The following RASAL2 variants were observed in gnomAD, a reference collection of about 807,000 sequenced individuals.
The protein encoded by RASAL2 is ras GTPase-activating protein nGAP.
RASAL2 carries 58 observed loss-of-function variants against 128.9 expected under a neutral mutation model. The ratio of observed to expected loss-of-function variants is 0.45; its 90% CI spans 0.36 to 0.56. RASAL2 has a LOEUF of 0.56. RASAL2 is among the 20% of genes least tolerant of loss of function. The pLI, the probability that RASAL2 is intolerant of heterozygous loss-of-function variation, is 0.00. For missense variants in RASAL2, 1,360 were observed against 1,601.6 expected, an observed-to-expected ratio of 0.85 and a Z score of 2.57; for synonymous variants, 561 against 580.8, an observed-to-expected ratio of 0.97 and a Z score of 0.49.
At chr1:178,314,934 C>T (rs1241386071) in intron 3 of RASAL2, among the ~76,000 whole-genome samples, 25 of 113,670 alleles carry the variant, frequency 2.2e-4, no homozygotes, top group African/African-American at 7.7e-4. Flanking sequence ...TGCTATCCCT[C>T]CCCCCTCCCC....
Position 178,099,877 on chromosome 1 carries a change from G to A in RASAL2, c.202+5183G>A, listed in dbSNP as rs1571470094. Among the ~76,000 whole-genome samples the A allele has an allele frequency of 3.3e-5, 5 of 152,012 alleles. No individual in the cohort carries two copies. In the East Asian group the frequency reaches 5.8e-4, roughly 18 times the overall value. On this transcript the variant is annotated intron_variant, in intron 1 of 17. Coordinates refer to ENST00000367649, the MANE Select transcript of RASAL2 (RefSeq NM_170692.4). ...CTTGGGAGGCTGAGGCAGGAGAATC[G>A]CTTGAACCAGGGAGGGGGAGATTGC...
intron 1 of RASAL2, among the ~76,000 whole-genome samples, chr1:178,258,701 G>C (rs949431558): frequency 6.6e-6 from 1 of 152,152 alleles, no homozygotes; most frequent in Admixed American, 6.5e-5. Context: ...CTGCCTGGCA[G>C]TTCTTCAAAC....
intron 3 of RASAL2, among the ~76,000 whole-genome samples, chr1:178,371,031 T>C (rs1671670831): frequency 6.6e-6 from 1 of 152,028 alleles, no homozygotes. Flanking sequence ...AAGAATATTG[T>C]TTTATCCTAG....
At chr1:178,228,974 TTG>T (rs1663893150) in intron 1 of RASAL2, among the ~76,000 whole-genome samples, 1 of 152,194 alleles carries the variant, frequency 6.6e-6, no homozygotes, top group Non-Finnish European at 1.5e-5. Flanking sequence ...TACTTGCGTA[TTG>T]TTTTATTTTA....
intron 1 of RASAL2, among the ~76,000 whole-genome samples, chr1:178,149,592 CTT>C (rs141978937): frequency 0.017 from 2,532 of 151,852 alleles, 72 homozygotes; most frequent in African/African-American, 0.057. Flanking sequence ...TTTTGCCAAA[CTT>C]TGAGTATCAC....
intron 1 of RASAL2, among the ~76,000 whole-genome samples, chr1:178,237,603 A>G (rs532239821): frequency 1.3e-5 from 2 of 152,316 alleles, no homozygotes; most frequent in African/African-American, 4.8e-5. Context: ...TTACTTTTAC[A>G]TATACTTGCA....
chr1:178,361,302 G>A (rs1215387896), intron 3 of RASAL2, among the ~76,000 whole-genome samples: 11 of 151,824 alleles, frequency 7.2e-5, no homozygotes, highest in Admixed American at 7.2e-4. Flanking sequence ...AATCAGAAGT[G>A]TTTTCTGGAT....
At chr1:178,141,988 A>G (rs559991928) in intron 1 of RASAL2, among the ~76,000 whole-genome samples, 1 of 152,120 alleles carries the variant, frequency 6.6e-6, no homozygotes, top group Admixed American at 6.5e-5. Flanking sequence ...AGCTACTGGT[A>G]GTACAGCAGC....
intron 4 of RASAL2, among the ~76,000 whole-genome samples, chr1:178,417,758 TAAAAAAA>T (rs35109719): frequency 5.9e-5 from 4 of 67,880 alleles, no homozygotes; most frequent in Admixed American, 1.5e-4. Context: ...AAACTCCGTC[TAAAAAAA>T]AAAAAAAAAA....
intron 5 of RASAL2, among the ~76,000 whole-genome samples, chr1:178,428,327 T>C (rs184752809): frequency 8.6e-4 from 131 of 152,126 alleles, no homozygotes; most frequent in African/African-American, 2.6e-3. Flanking sequence ...CTATGGTATG[T>C]ACATGTTTAG....
intron 1 of RASAL2, among the ~76,000 whole-genome samples, chr1:178,226,684 C>T (rs1298414293): frequency 2.0e-5 from 3 of 152,210 alleles, no homozygotes; most frequent in Non-Finnish European, 2.9e-5. Context: ...CGGTGGCTCA[C>T]ACCTGTAATC....
intron 3 of RASAL2, among the ~76,000 whole-genome samples, chr1:178,312,016 A>G (rs567327635): frequency 6.6e-5 from 10 of 152,248 alleles, no homozygotes; most frequent in African/African-American, 1.2e-4. Flanking sequence ...ATAAAACTCA[A>G]TATAAGGGTT....
rs114754290 is a variant in RASAL2, at chr1:178,329,956, G to T, written c.457+29838G>T. On this transcript the variant is annotated intron_variant, in intron 3 of 17. Coordinates refer to ENST00000367649, the MANE Select transcript of RASAL2 (RefSeq NM_170692.4). ...ACTGAGTGAGCATCCAGTCCAAACT[G>T]GGGTAAAAGGATGGAAGGCTCTGGT... is the stretch of plus-strand genomic sequence containing the variant. 1.8e-3 allele frequency among the ~76,000 whole-genome samples: 276 copies of T among 152,262 alleles called. 2 individuals carry two copies. Among genetic ancestry groups the T allele is most frequent in the Non-Finnish European group, 3.0e-3 (202 of 68,024 alleles).
rs577783843 is a variant in RASAL2 at position 178,174,392 on chromosome 1, G to A, written c.202+79698G>A. Among the ~76,000 whole-genome samples the A allele has an allele frequency of 4.6e-5, 7 of 151,934 alleles. No homozygotes were observed. In the South Asian group the frequency reaches 1.0e-3, roughly 23 times the overall value. On this transcript the variant is annotated intron_variant, in intron 1 of 17. Coordinates refer to ENST00000367649, the MANE Select transcript of RASAL2 (RefSeq NM_170692.4). ...AAGATTAAAGTTTGCATGGTAATAC[G>A]GTTTCCACTCTGTTAAGCTGGAAAA...
At chr1:178,260,890 G>A (rs1228488221) in intron 1 of RASAL2, among the ~76,000 whole-genome samples, 1 of 152,122 alleles carries the variant, frequency 6.6e-6, no homozygotes, top group Non-Finnish European at 1.5e-5. Flanking sequence ...AAATTTGGCA[G>A]TTTGTTCTTG....
intron 1 of RASAL2, among the ~76,000 whole-genome samples, chr1:178,113,724 C>G (rs1659426920): frequency 6.6e-6 from 1 of 152,012 alleles, no homozygotes; most frequent in African/African-American, 2.4e-5. Flanking sequence ...AGAAAAAAAG[C>G]CTGCAAGATT....
At chr1:178,257,121 AAAG>A (rs1191611993) in intron 1 of RASAL2, among the ~76,000 whole-genome samples, 3 of 152,192 alleles carry the variant, frequency 2.0e-5, no homozygotes, top group Admixed American at 1.3e-4. Context: ...GAAAGAAATT[AAAG>A]AAGATTTAAA....
At chr1:178,242,333 GCATATCTTTTAA>G (rs1664535742) in intron 1 of RASAL2, among the ~76,000 whole-genome samples, 1 of 151,364 alleles carries the variant, frequency 6.6e-6, no homozygotes. Context: ...TAATATTTTA[GCATATCTTTTAA>G]CATATCTTTT....
intron 1 of RASAL2, among the ~76,000 whole-genome samples, chr1:178,118,566 AGTTT>A (rs961946348): frequency 6.6e-6 from 1 of 152,176 alleles, no homozygotes; most frequent in African/African-American, 2.4e-5. Flanking sequence ...ATTCCTTTCC[AGTTT>A]GGGGATCTTT....
Sources: allele counts gnomAD v4.1 joint callset (sites outside exome capture counted in the v4.1 genomes callset), GRCh38; gene constraint gnomAD v4.1.1; transcripts MANE v1.5; gene names NCBI Gene and HGNC (gene_info 2026-07-23, HGNC 2026-07-21).